RANBP2: variants seen among roughly 807,000 people sequenced by gnomAD.
RANBP2 encodes E3 SUMO-protein ligase RanBP2.
A neutral mutation model predicts 303.6 loss-of-function variants in RANBP2; 57 were observed. The observed-to-expected ratio is 0.19, with a 90% CI of 0.15 to 0.23. RANBP2 has a LOEUF of 0.23. Among genes scored for constraint, RANBP2 ranks in the 10% least tolerant of loss-of-function variants. The pLI is 1.00. For synonymous variants in RANBP2, 1,167 were observed against 1,301.5 expected (o/e 0.90, Z 2.23); for missense variants, 3,138 against 3,780.8 (o/e 0.83, Z 4.46).
At chr2:109,138,227 C>T in the RANBP2 span, among the ~76,000 whole-genome samples, 8 of 152,160 alleles carry the variant, frequency 5.3e-5, no homozygotes, top group African/African-American at 1.9e-4. Context: ...GGGGGTTTCA[C>T]CGTATTGGCC....
At chr2:109,628,147 A>T in the RANBP2 span, among the ~76,000 whole-genome samples, 1 of 152,130 alleles carries the variant, frequency 6.6e-6, no homozygotes, top group Non-Finnish European at 1.5e-5. Flanking sequence ...GCCACCCTCC[A>T]TCATGCAGAG....
the RANBP2 span, among the ~76,000 whole-genome samples, chr2:109,679,498 G>A: frequency 2.5e-4 from 38 of 152,336 alleles, no homozygotes; most frequent in African/African-American, 7.7e-4. Context: ...CTGTGCATAT[G>A]TGTGTATTTA....
the RANBP2 span, among the ~76,000 whole-genome samples, chr2:109,424,807 A>G: frequency 2.0e-5 from 3 of 152,090 alleles, no homozygotes; most frequent in Non-Finnish European, 4.4e-5. Context: ...CCTTAGACAC[A>G]ACAATACTGA....
the RANBP2 span, among the ~76,000 whole-genome samples, chr2:109,458,584 G>C: frequency 6.6e-6 from 1 of 151,192 alleles, no homozygotes; most frequent in African/African-American, 2.4e-5. Context: ...GAGAGAGAGA[G>C]AGAGAGAGAG....
chr2:108,930,016 C>A, the RANBP2 span: 1 of 1,407,346 alleles, frequency 7.1e-7, no homozygotes, highest in Non-Finnish European at 9.6e-7. Flanking sequence ...GTTTGATATA[C>A]CCTGGCATCC....
the RANBP2 span, among the ~76,000 whole-genome samples, chr2:109,233,171 C>A: frequency 2.0e-5 from 3 of 152,206 alleles, no homozygotes; most frequent in African/African-American, 7.2e-5. Flanking sequence ...GCTCAGTGGA[C>A]AGTCAGGGTG....
chr2:108,831,785 C>G, the RANBP2 span, among the ~76,000 whole-genome samples: 1 of 149,404 alleles, frequency 6.7e-6, no homozygotes, highest in Non-Finnish European at 1.5e-5. Context: ...CAGGCTGGAG[C>G]GCAATGGCAT....
chr2:109,155,456 C>G, the RANBP2 span, among the ~76,000 whole-genome samples: 1 of 152,140 alleles, frequency 6.6e-6, no homozygotes, highest in Non-Finnish European at 1.5e-5. Flanking sequence ...GCGCCCACCA[C>G]CACGCCTGGC....
the RANBP2 span, among the ~76,000 whole-genome samples, chr2:109,134,435 G>A: frequency 1.3e-5 from 2 of 152,174 alleles, no homozygotes; most frequent in Non-Finnish European, 2.9e-5. Flanking sequence ...TGTTCAGAAG[G>A]CCCCTGAGTG....
the RANBP2 span, chr2:109,737,234 G>A: frequency 6.1e-6 from 5 of 826,380 alleles, no homozygotes; most frequent in Non-Finnish European, 1.0e-5. Flanking sequence ...AACCAATCAC[G>A]AAGATTATTC....
chr2:109,367,201 T>C, the RANBP2 span, among the ~76,000 whole-genome samples: 1 of 150,828 alleles, frequency 6.6e-6, no homozygotes, highest in Admixed American at 6.7e-5. Flanking sequence ...TGGCCTCAAG[T>C]GATCTGCCTA....
the RANBP2 span, among the ~76,000 whole-genome samples, chr2:108,873,883 A>C: frequency 1.3e-5 from 2 of 152,158 alleles, no homozygotes; most frequent in Non-Finnish European, 2.9e-5. Context: ...GACCTTTCTG[A>C]ATCCCATGCT....
At chr2:108,864,164 GA>G in the RANBP2 span, among the ~76,000 whole-genome samples, 3 of 146,756 alleles carry the variant, frequency 2.0e-5, no homozygotes, top group African/African-American at 7.5e-5. Flanking sequence ...CATATTTTGT[GA>G]AAAAAAAACA....
At chr2:109,158,787 A>T in the RANBP2 span, among the ~76,000 whole-genome samples, 1 of 152,214 alleles carries the variant, frequency 6.6e-6, no homozygotes, top group Non-Finnish European at 1.5e-5. Context: ...GCAATGGCTG[A>T]TTCCCGAGTG....
At chr2:108,791,700 C>T in the RANBP2 span, 1 of 1,607,576 alleles carries the variant, frequency 6.2e-7, no homozygotes, top group South Asian at 1.1e-5. Flanking sequence ...GGATTCTTTC[C>T]ATGATTTGAA....
chr2:108,884,521 GAAT>G, the RANBP2 span: 2 of 152,332 alleles, frequency 1.3e-5, no homozygotes, highest in African/African-American at 4.8e-5. Context: ...CCGCTGAAGA[GAAT>G]AAGAGAAGAG....
At chr2:108,774,752 C>T (rs985057098) in intron 23 of RANBP2, among the ~76,000 whole-genome samples, 54 of 149,086 alleles carry the variant, frequency 3.6e-4, no homozygotes, top group Non-Finnish European at 7.2e-4. Context: ...GTCTCCCAGG[C>T]TGGAGTGCAG....
At chr2:109,291,340 A>G in the RANBP2 span, among the ~76,000 whole-genome samples, 3 of 148,286 alleles carry the variant, frequency 2.0e-5, no homozygotes, top group East Asian at 6.0e-4. Flanking sequence ...AGTGTTCTAC[A>G]TGCAGCTGCC....
the RANBP2 span, among the ~76,000 whole-genome samples, chr2:109,264,705 TA>T: frequency 2.6e-5 from 4 of 152,248 alleles, no homozygotes; most frequent in African/African-American, 9.6e-5. Flanking sequence ...GATGTTTCCG[TA>T]AGGGCTTTCT....
Sources: allele counts gnomAD v4.1 joint callset (sites outside exome capture counted in the v4.1 genomes callset), GRCh38; gene constraint gnomAD v4.1.1; transcripts MANE v1.5; gene names NCBI Gene and HGNC (gene_info 2026-07-23, HGNC 2026-07-21).